R3HDM2: variants seen among roughly 807,000 people sequenced by gnomAD.
R3HDM2 encodes the protein R3H domain-containing protein 2.
A neutral mutation model predicts 124.5 loss-of-function variants in R3HDM2; 38 were observed. The ratio of observed to expected loss-of-function variants is 0.31; its 90% CI spans 0.24 to 0.40. The LOEUF is 0.40. R3HDM2 is among the 10% of genes least tolerant of loss of function. The pLI, the probability that R3HDM2 is intolerant of heterozygous loss-of-function variation, is 1.00. For missense variants in R3HDM2, 869 were observed against 1,236.9 expected (o/e 0.70, Z 4.46); for synonymous variants, 391 against 448.0 (o/e 0.87, Z 1.61).
At position 57,357,644 on chromosome 12, in the gene R3HDM2, A is replaced by ATTT. The variant is rs35477289; in HGVS notation, c.-36+38102_-36+38104dup. Among the ~76,000 whole-genome samples, 14 of 127,442 alleles carry ATTT rather than the reference A, an allele frequency of 1.1e-4. No homozygotes were observed. The East Asian group carries it at 2.0e-3, about 19-fold the overall frequency. The allele number at this position is 127,442 out of a possible 152,430, so 83.6% of individuals were successfully genotyped here. Reference sequence around the variant, plus strand: ...AAAGAACTAGCTTGTAGTTTTGCTGATTTTTTTTTTTTTTTTTTGGCTTTT... The same window carrying ATTT: ...AAAGAACTAGCTTGTAGTTTTGCTGATTTTTTTTTTTTTTTTTTTTTGGCTTTT... On this transcript the variant is annotated intron_variant, in intron 2 of 23. Transcript: ENST00000402412.
chr12:57,349,379 CAAAA>C (rs1161831845), intron 2 of R3HDM2, among the ~76,000 whole-genome samples: 10 of 57,770 alleles, frequency 1.7e-4, no homozygotes, highest in African/African-American at 8.4e-4. Context: ...ACTCCGTCTC[CAAAA>C]AAAAAAAAAA....
chr12:57,321,479 C>T (rs903505000), intron 2 of R3HDM2, among the ~76,000 whole-genome samples: 9 of 151,774 alleles, frequency 5.9e-5, no homozygotes, highest in African/African-American at 9.7e-5. Flanking sequence ...GGTGAAACCC[C>T]GTCTCTACTA....
chr12:57,307,626 CT>C lies in R3HDM2; in HGVS notation c.165+2637del, dbSNP rs1019477707. ...ATGAGCCACTGCACCCAGCCATGCT[CT>C]TTTTTTTTTTTTTTTTTGAGACAGG... On this transcript the variant is annotated intron_variant, in intron 3 of 23. Coordinates refer to ENST00000402412, the MANE Select transcript of R3HDM2 (RefSeq NM_001394031.1). 8.4e-3 allele frequency among the ~76,000 whole-genome samples: 867 copies of C among 103,676 alleles called. 1 individual carries two copies. The highest frequency in any genetic ancestry group is 0.024 in the African/African-American group (673 of 27,956). The allele number at this position is 103,676 out of a possible 152,430, so 68.0% of individuals were successfully genotyped here.
chr12:57,298,434 G>C (rs2050361641), intron 6 of R3HDM2, among the ~76,000 whole-genome samples: 1 of 152,146 alleles, frequency 6.6e-6, no homozygotes, highest in Non-Finnish European at 1.5e-5. Flanking sequence ...GGTATTTACT[G>C]AATGTCCTGA....
intron 1 of R3HDM2, among the ~76,000 whole-genome samples, chr12:57,407,120 G>T (rs1453793047): frequency 1.3e-5 from 2 of 151,774 alleles, no homozygotes; most frequent in African/African-American, 4.8e-5. Flanking sequence ...CATGGTGATG[G>T]GCACGTGTAA....
At chr12:57,274,245 G>A (rs992351500) in intron 14 of R3HDM2, among the ~76,000 whole-genome samples, 2 of 152,154 alleles carry the variant, frequency 1.3e-5, no homozygotes, top group African/African-American at 4.8e-5. Flanking sequence ...CACTTTGGGA[G>A]GCTGAGGTGG....
chr12:57,292,494 G>A, intron 11 of R3HDM2, 78 bp downstream of exon 11: 1 of 973,536 alleles, frequency 1.0e-6, no homozygotes, highest in Non-Finnish European at 1.6e-6. Flanking sequence ...AACATTTGTG[G>A]AGGGTTCATT....
At chr12:57,360,696 A>T (rs1393464130) in intron 2 of R3HDM2, among the ~76,000 whole-genome samples, 1 of 147,806 alleles carries the variant, frequency 6.8e-6, no homozygotes, top group Non-Finnish European at 1.5e-5. Flanking sequence ...GAAAGGAAAA[A>T]GGAAAGGAAA....
chr12:57,295,619 T>C, intron 9 of R3HDM2, 112 bp from the exon 10 acceptor site: 1 of 719,218 alleles, frequency 1.4e-6, no homozygotes, highest in Non-Finnish European at 2.3e-6. Flanking sequence ...TCAGGGAATT[T>C]CTGGAGTAAG....
In R3HDM2 at chr12:57,268,994, G is replaced by C. The variant is rs373396358; in HGVS notation, c.1803C>G (p.Ser601Arg). The C allele has an allele frequency of 1.2e-6, 2 of 1,614,120 alleles. No homozygotes were observed. ...VQQPQNQGLL[S>R]SQRSSMGGQM... ...GGCCCCCCATGCTGCTCCTCTGGCT[G>C]CTGAGCAGGCCCTGGTTCTGTGGCT... is the stretch of plus-strand genomic sequence containing the variant. Residue 601 changes from serine (S) to arginine (R), a missense_variant, in exon 17 of 24, where the codon AGC (serine) becomes AGG (arginine). Transcript: ENST00000402412.
chr12:57,282,555 G>A (rs2046406275), intron 13 of R3HDM2, among the ~76,000 whole-genome samples: 1 of 152,104 alleles, frequency 6.6e-6, no homozygotes, highest in East Asian at 1.9e-4. Context: ...AGCTACTTGG[G>A]AGTCTGAGGT....
At chr12:57,267,678 C>G (rs1238266576) in intron 18 of R3HDM2, among the ~76,000 whole-genome samples, 2 of 152,180 alleles carry the variant, frequency 1.3e-5, no homozygotes, top group African/African-American at 4.8e-5. Flanking sequence ...TGCACATATA[C>G]TGGGAGACAG....
upstream of R3HDM2, chr12:57,431,125 G>GCGGGGCCT (rs1869823652): frequency 1.3e-5 from 2 of 152,354 alleles, no homozygotes; most frequent in African/African-American, 4.8e-5. Flanking sequence ...CAGCAGCCCT[G>GCGGGGCCT]CGGGGCCTAC....
At chr12:57,281,470 G>C (rs946738308) in intron 13 of R3HDM2, among the ~76,000 whole-genome samples, 2 of 151,970 alleles carry the variant, frequency 1.3e-5, no homozygotes, top group African/African-American at 4.8e-5. Context: ...CACAGTCCTT[G>C]CCCTTAACAG....
At chr12:57,289,761 A>G (rs2048205458) in intron 11 of R3HDM2, among the ~76,000 whole-genome samples, 1 of 152,192 alleles carries the variant, frequency 6.6e-6, no homozygotes. Flanking sequence ...AGCTTTTCCA[A>G]TATACAGCTC....
chr12:57,371,520 CA>C (rs998568922), intron 2 of R3HDM2, among the ~76,000 whole-genome samples: 3 of 152,038 alleles, frequency 2.0e-5, no homozygotes, highest in African/African-American at 7.2e-5. Context: ...GAAATACTCC[CA>C]AACAAAACAA....
chr12:57,401,628 T>A (rs964104448), intron 1 of R3HDM2, among the ~76,000 whole-genome samples: 4 of 152,198 alleles, frequency 2.6e-5, no homozygotes, highest in African/African-American at 9.6e-5. Context: ...AGCTCTCAAG[T>A]GAAAATCAGA....
Position 57,268,974 on chromosome 12 carries a change from C to T in R3HDM2, c.1823G>A (p.Gly608Glu), listed in dbSNP as rs1299025343. Residue 608 changes from glycine to glutamate, a missense_variant, in exon 17 of 24, where the codon GGG becomes GAG. Physicochemically the swap from Gly to Glu is moderately conservative, Grantham distance 98 (BLOSUM62 -2). Transcript: ENST00000402412. The part of the protein sequence containing the change: ...GLLSSQRSSM[G>E]GQMQGLVVQY... ...AACCACCAGGCCTTGCATCTGGCCC[C>T]CCATGCTGCTCCTCTGGCTGCTGAG... is the stretch of plus-strand genomic sequence containing the variant. 6.2e-7 allele frequency: 1 copy of T among 1,614,220 alleles called. No individual in the cohort carries two copies. Among genetic ancestry groups the T allele is most frequent in the Non-Finnish European group, 8.5e-7 (1 of 1,180,050 alleles).
intron 1 of R3HDM2, among the ~76,000 whole-genome samples, chr12:57,419,404 A>T (rs536758715): frequency 6.6e-6 from 1 of 151,478 alleles, no homozygotes; most frequent in African/African-American, 2.4e-5. Context: ...CAGCCTCCCA[A>T]AGTGCTGAGA....
Sources: gnomAD v4.1 joint callset for allele counts (sites outside exome capture counted in the v4.1 genomes callset) on GRCh38, gnomAD v4.1.1 for gene constraint, MANE v1.5 for transcripts, NCBI Gene and HGNC (gene_info 2026-07-23, HGNC 2026-07-21) for gene names.